Variants in DYSF observed in about 807,000 individuals in gnomAD.
DYSF encodes dystrophy-associated fer-1-like 1.
A neutral mutation model predicts 274.9 loss-of-function variants in DYSF; 212 were observed. The ratio of observed to expected loss-of-function variants is 0.77; its 90% CI spans 0.69 to 0.86. The LOEUF (loss-of-function observed/expected upper bound fraction) is 0.86, where lower values mean the gene tolerates loss of function less well. DYSF is among the 40% of genes least tolerant of loss of function. DYSF has a pLI of 0.00. For missense variants in DYSF, 2,666 were observed against 2,783.2 expected (o/e 0.96, Z 0.95); for synonymous variants, 1,091 against 1,078.7 (o/e 1.01, Z -0.22).
At chr2:71,595,042 G>A (rs544010338) in intron 32 of DYSF, among the ~76,000 whole-genome samples, 9 of 152,278 alleles carry the variant, frequency 5.9e-5, no homozygotes, top group African/African-American at 1.7e-4. Flanking sequence ...AAGAGTGAAC[G>A]TCTTTGTACA....
chr2:71,523,245 A>C (rs528707324), intron 12 of DYSF, among the ~76,000 whole-genome samples: 87 of 152,298 alleles, frequency 5.7e-4, no homozygotes, highest in African/African-American at 2.0e-3. Context: ...ATGGGAGTAA[A>C]GGACAATGGA....
chr2:71,616,106 C>T (rs72902695), intron 40 of DYSF, among the ~76,000 whole-genome samples: 1,686 of 152,312 alleles, frequency 0.011, 29 homozygotes, highest in African/African-American at 0.039. Context: ...GAACATGTCA[C>T]CGGAGACCCT....
intron 30 of DYSF, among the ~76,000 whole-genome samples, chr2:71,576,648 ACGGCTGC>A (rs2092708664): frequency 6.6e-6 from 1 of 152,172 alleles, no homozygotes; most frequent in South Asian, 2.1e-4. Context: ...GACAGAGCTG[ACGGCTGC>A]CTGCCAGGCG....
intron 39 of DYSF, 55 bp downstream of exon 39, chr2:71,612,861 G>GCT: frequency 6.4e-7 from 1 of 1,573,056 alleles, no homozygotes. Flanking sequence ...TCAGGGCCAA[G>GCT]CTACCCTTCC....
intron 17 of DYSF, among the ~76,000 whole-genome samples, chr2:71,541,274 G>C (rs2089902854): frequency 6.6e-6 from 1 of 152,076 alleles, no homozygotes; most frequent in Non-Finnish European, 1.5e-5. Context: ...TTTTTGAGTG[G>C]GTATAGTAAT....
chr2:71,674,368 A>T, intron 52 of DYSF, 72 bp downstream of exon 52: 1 of 1,458,690 alleles, frequency 6.9e-7, no homozygotes, highest in Non-Finnish European at 9.6e-7. Flanking sequence ...TGTTTATGCC[A>T]CTGTTGGACC....
At chr2:71,529,309 A>G (rs922622859) in intron 14 of DYSF, among the ~76,000 whole-genome samples, 2 of 152,170 alleles carry the variant, frequency 1.3e-5, no homozygotes, top group Non-Finnish European at 2.9e-5. Context: ...AGCCACTGCT[A>G]GCTCTTTCCA....
Position 71,568,230 on chromosome 2 carries a change from A to C in DYSF, c.2756A>C (p.Tyr919Ser). The C allele has an allele frequency of 6.2e-7, 1 of 1,614,146 alleles. No homozygotes were observed. Among genetic ancestry groups the C allele is most frequent in the Non-Finnish European group, 8.5e-7 (1 of 1,180,022 alleles). The change falls in exon 26 of 56, where the codon TAC (tyrosine) becomes TCC (serine). Residue 919 changes from tyrosine to serine, a missense_variant. Coordinates refer to ENST00000410020, the MANE Select transcript of DYSF (RefSeq NM_001130987.2). ...VGNWGTTGLT[Y>S]PKFSDVTGKI... ...AACTGGGGCACAACGGGCCTCACCT[A>C]CCCCAAGTTTTCTGACGTCACGGGC...
intron 26 of DYSF, among the ~76,000 whole-genome samples, chr2:71,569,097 A>C (rs1323925486): frequency 6.7e-6 from 1 of 149,030 alleles, no homozygotes; most frequent in South Asian, 2.1e-4. Flanking sequence ...GATGGTCTCG[A>C]TCTCCTGACC....
At chr2:71,667,608 C>T in intron 48 of DYSF, 93 bp downstream of exon 48, 1 of 1,560,468 alleles carries the variant, frequency 6.4e-7, no homozygotes, top group Non-Finnish European at 8.7e-7. Context: ...GCCAGTGGGT[C>T]CCTTGAGATT....
intron 1 of DYSF, among the ~76,000 whole-genome samples, chr2:71,458,697 T>C (rs997368758): frequency 6.6e-6 from 1 of 152,202 alleles, no homozygotes; most frequent in Non-Finnish European, 1.5e-5. Flanking sequence ...TCCAGATTGG[T>C]CCACTAGCAT....
chr2:71,509,694 G>T (rs867268017), intron 4 of DYSF, among the ~76,000 whole-genome samples: 1 of 152,028 alleles, frequency 6.6e-6, no homozygotes, highest in African/African-American at 2.4e-5. Context: ...TGTTTCTATT[G>T]TCTCAGATTT....
In DYSF at chr2:71,595,544, C is replaced by T. The variant is rs113325555; in HGVS notation, c.3575-3020C>T. ...GGAGGAAAGCTTAGTGTATTGTGAACGCAGAAGGTCCTCCCCGGAGCTCCA... is the reference window on the plus strand; with the variant it reads ...GGAGGAAAGCTTAGTGTATTGTGAATGCAGAAGGTCCTCCCCGGAGCTCCA... On this transcript the variant is annotated intron_variant, in intron 32 of 55. Transcript: ENST00000410020. 2.9e-3 allele frequency among the ~76,000 whole-genome samples: 436 copies of T among 152,276 alleles called. 1 individual carries two copies. Among genetic ancestry groups the T allele is most frequent in the African/African-American group, 9.9e-3 (413 of 41,540 alleles).
intron 45 of DYSF, 106 bp downstream of exon 45, chr2:71,660,757 C>A: frequency 3.1e-6 from 3 of 969,116 alleles, no homozygotes; most frequent in Non-Finnish European, 4.9e-6. Context: ...TCTCTTGGAG[C>A]AAAACTGTAT....
intron 48 of DYSF, among the ~76,000 whole-genome samples, chr2:71,667,924 T>G (rs972784402): frequency 3.3e-5 from 5 of 152,196 alleles, no homozygotes; most frequent in Admixed American, 2.6e-4. Context: ...AGGGTGGCCC[T>G]GGCATCCTAT....
intron 53 of DYSF, among the ~76,000 whole-genome samples, chr2:71,680,615 T>A (rs1174712607): frequency 6.6e-6 from 1 of 152,234 alleles, no homozygotes; most frequent in Admixed American, 6.5e-5. Flanking sequence ...TCCCATACAA[T>A]GTTTGGCAGT....
chr2:71,535,445 G>A, intron 16 of DYSF, 134 bp downstream of exon 16: 1 of 970,042 alleles, frequency 1.0e-6, no homozygotes. Context: ...TCCCCTTGGG[G>A]TAGCCAGGGA....
chr2:71,622,776 C>A (rs1001610917), intron 41 of DYSF, among the ~76,000 whole-genome samples: 1 of 152,124 alleles, frequency 6.6e-6, no homozygotes, highest in African/African-American at 2.4e-5. Flanking sequence ...CCACCGCACT[C>A]TGTTAATTTT....
At chr2:71,479,174 A>AGCGGGCGCCTGT (rs1553507238) in intron 1 of DYSF, among the ~76,000 whole-genome samples, 1 of 77,230 alleles carries the variant, frequency 1.3e-5, no homozygotes, top group Non-Finnish European at 3.5e-5. Flanking sequence ...GACCCAAATA[A>AGCGGGCGCCTGT]AAGTTCTGTG....
Sources: gnomAD v4.1 joint callset for allele counts (sites outside exome capture counted in the v4.1 genomes callset) on GRCh38, gnomAD v4.1.1 for gene constraint, MANE v1.5 for transcripts, NCBI Gene and HGNC (gene_info 2026-07-23, HGNC 2026-07-21) for gene names.